FAM89A: variants seen among roughly 807,000 people sequenced by gnomAD.
FAM89A encodes the protein family with sequence similarity 89 member A, also known as protein FAM89A.
In FAM89A, 10 loss-of-function variants were observed where a neutral mutation model predicts 7.1. The ratio of observed to expected loss-of-function variants is 1.40; its 90% confidence interval spans 0.86 to 2.38. FAM89A has a LOEUF of 2.38. Ranked by LOEUF, FAM89A falls within the 30% of genes most tolerant of loss-of-function variation. FAM89A has a pLI of 0.00. For missense variants in FAM89A, 276 were observed against 262.8 expected (o/e 1.05, Z -0.35); for synonymous variants, 157 against 129.3 (o/e 1.21, Z -1.45).
chr1:231,033,794 T>C (rs1680113845), intron 1 of FAM89A, among the ~76,000 whole-genome samples: 1 of 152,176 alleles, frequency 6.6e-6, no homozygotes, highest in South Asian at 2.1e-4. Flanking sequence ...TAAAGTGGTA[T>C]TTTTACTTTT....
At position 231,040,205 on chromosome 1, in the gene FAM89A, C is replaced by T. The variant is rs1386240766; in HGVS notation, c.7G>A (p.Gly3Arg). The T allele has an allele frequency of 1.8e-5, 20 of 1,082,164 alleles. No individual in the cohort carries two copies. Among genetic ancestry groups the T allele is most frequent in the Non-Finnish European group, 2.1e-5 (19 of 894,864 alleles). The allele number at this position is 1,082,164 out of a possible 1,614,324, so 67.0% of individuals were successfully genotyped here. A position where few individuals can be genotyped will look rare whatever the true frequency, so the allele number is the denominator to read the frequency against. Residue 3 changes from glycine (G) to arginine (R), a missense_variant, in exon 1 of 2, where the codon GGG becomes AGG. By Grantham distance (125) the Gly-to-Arg change is moderately radical (BLOSUM62 -2). Transcript: ENST00000366654. Reference sequence around the variant, plus strand: ...GCGGCCCCGGGCGCCGCCCGGGCCCCACTCATCGCGCCGCGGCCCGGCCAC... The same window carrying T: ...GCGGCCCCGGGCGCCGCCCGGGCCCTACTCATCGCGCCGCGGCCCGGCCAC... MS[G>R]ARAAPGAAGN...
chr1:231,037,953 T>C (rs1347845368), intron 1 of FAM89A, among the ~76,000 whole-genome samples: 1 of 152,104 alleles, frequency 6.6e-6, no homozygotes, highest in Non-Finnish European at 1.5e-5. Context: ...GCCTTCAATT[T>C]AAACAGATCA....
intron 1 of FAM89A, among the ~76,000 whole-genome samples, chr1:231,032,484 G>A (rs1680092042): frequency 1.3e-5 from 2 of 149,980 alleles, no homozygotes; most frequent in Non-Finnish European, 3.0e-5. Context: ...AGTCTTGGAG[G>A]TACAACATGA....
At chr1:231,031,904 T>C (rs553246578) in intron 1 of FAM89A, among the ~76,000 whole-genome samples, 16 of 152,194 alleles carry the variant, frequency 1.1e-4, no homozygotes, top group Middle Eastern at 3.4e-3. Flanking sequence ...TGTGGATGCT[T>C]CTGTAAGGTA....
chr1:231,019,626 G>A lies in FAM89A; in HGVS notation c.*237C>T. 1 of 516,048 alleles carries A rather than the reference G, an allele frequency of 1.9e-6. No homozygotes were observed. The highest frequency in any genetic ancestry group is 3.2e-5 in the East Asian group (1 of 30,816). The allele number at this position is 516,048 out of a possible 1,614,324, so 32.0% of individuals were successfully genotyped here. On this transcript the variant is annotated 3_prime_UTR_variant, in exon 2 of 2. Coordinates refer to ENST00000366654, the MANE Select transcript of FAM89A (RefSeq NM_198552.3). ...AGCAGGTGCACCTCAATAAATAGGT[G>A]TGGAGGATACTGCTGAGGACCTCTA...
At chr1:231,038,319 A>G (rs1194842080) in intron 1 of FAM89A, among the ~76,000 whole-genome samples, 1 of 152,258 alleles carries the variant, frequency 6.6e-6, no homozygotes, top group Non-Finnish European at 1.5e-5. Flanking sequence ...GGACCTGGAA[A>G]AATACTTCTG....
At chr1:231,037,285 C>T (rs2103077678) in intron 1 of FAM89A, among the ~76,000 whole-genome samples, 3 of 152,292 alleles carry the variant, frequency 2.0e-5, no homozygotes, top group Admixed American at 2.0e-4. Flanking sequence ...ACTTACATTG[C>T]ACCTAACAGA....
intron 1 of FAM89A, among the ~76,000 whole-genome samples, chr1:231,035,924 TG>T (rs755066886): frequency 6.6e-6 from 1 of 152,230 alleles, no homozygotes; most frequent in Non-Finnish European, 1.5e-5. Flanking sequence ...TCCTTGTCAC[TG>T]TTGGCTGGCC....
rs1558254461 is a variant in FAM89A at position 231,024,519 on chromosome 1, T to TACACACACAC, written c.292-4394_292-4393insGTGTGTGTGT. Among the ~76,000 whole-genome samples, 16 of 41,636 alleles carry TACACACACAC rather than the reference T, an allele frequency of 3.8e-4. 1 individual carries two copies. The highest frequency in any genetic ancestry group is 1.3e-3 in the African/African-American group (16 of 12,386). The allele number at this position is 41,636 out of a possible 152,430, so 27.3% of individuals were successfully genotyped here. A position where few individuals can be genotyped will look rare whatever the true frequency, so the allele number is the denominator to read the frequency against. ...CAGAACTATGTTTTATTACATTGCATGCACACACACACACACACACACACA... is the reference window on the plus strand; with the variant it reads ...CAGAACTATGTTTTATTACATTGCATACACACACACGCACACACACACACACACACACACA... On this transcript the variant is annotated intron_variant, in intron 1 of 1. Transcript: ENST00000366654.
At chr1:231,024,772 G>A (rs1485976888) in intron 1 of FAM89A, among the ~76,000 whole-genome samples, 1 of 151,902 alleles carries the variant, frequency 6.6e-6, no homozygotes, top group African/African-American at 2.4e-5. Flanking sequence ...AAACTCCTGG[G>A]CTCAAGTGAT....
chr1:231,019,702 C>A lies in FAM89A; in HGVS notation c.*161G>T. The A allele has an allele frequency of 1.3e-6, 1 of 755,470 alleles. No individual in the cohort carries two copies. The highest frequency in any genetic ancestry group is 2.1e-6 in the Non-Finnish European group (1 of 476,534). The allele number at this position is 755,470 out of a possible 1,614,324, so 46.8% of individuals were successfully genotyped here. On this transcript the variant is annotated 3_prime_UTR_variant, in exon 2 of 2. Coordinates refer to ENST00000366654, the MANE Select transcript of FAM89A (RefSeq NM_198552.3). The stretch of plus-strand genomic sequence containing the variant: ...ATCAAAGCAGACTGCCACCATGCAT[C>A]CGCGGAGAACTCCCTGCCTACAAAT...
intron 1 of FAM89A, chr1:231,022,268 C>T: frequency 1.3e-6 from 1 of 773,994 alleles, no homozygotes. Context: ...CTCAAAAAGA[C>T]TGTTTTGAAA....
intron 1 of FAM89A, among the ~76,000 whole-genome samples, chr1:231,038,306 G>A (rs1416452616): frequency 6.6e-6 from 1 of 152,170 alleles, no homozygotes; most frequent in Non-Finnish European, 1.5e-5. Flanking sequence ...GTCACACCAG[G>A]AGGGACCTGG....
chr1:231,025,162 T>A (rs1472729276), intron 1 of FAM89A, among the ~76,000 whole-genome samples: 2 of 150,540 alleles, frequency 1.3e-5, no homozygotes, highest in Non-Finnish European at 3.0e-5. Flanking sequence ...GACCTTGTGA[T>A]CCACCCGCCT....
At chr1:231,021,367 G>A (rs1679874282) in intron 1 of FAM89A, among the ~76,000 whole-genome samples, 1 of 152,164 alleles carries the variant, frequency 6.6e-6, no homozygotes, top group Non-Finnish European at 1.5e-5. Context: ...AAAGATGCAT[G>A]GGTACAGCTC....
intron 1 of FAM89A, among the ~76,000 whole-genome samples, chr1:231,034,397 G>C (rs1323777053): frequency 2.0e-5 from 3 of 152,214 alleles, no homozygotes; most frequent in Admixed American, 1.3e-4. Flanking sequence ...TGTCAGAACT[G>C]TATCACATAG....
chr1:231,036,247 T>C (rs1680154350), intron 1 of FAM89A, among the ~76,000 whole-genome samples: 1 of 152,110 alleles, frequency 6.6e-6, no homozygotes, highest in African/African-American at 2.4e-5. Flanking sequence ...TGAAAACTAG[T>C]CTAAACTAAA....
intron 1 of FAM89A, among the ~76,000 whole-genome samples, chr1:231,024,519 T>TACACACACACACACACACAC (rs1558254461): frequency 1.2e-3 from 50 of 41,610 alleles, no homozygotes; most frequent in African/African-American, 3.9e-3. Flanking sequence ...TTACATTGCA[T>TACACACACACACACACACAC]GCACACACAC....
chr1:231,029,048 G>A (rs753345358), intron 1 of FAM89A, among the ~76,000 whole-genome samples: 2 of 152,210 alleles, frequency 1.3e-5, no homozygotes, highest in Admixed American at 6.5e-5. Flanking sequence ...GCATGGGGGA[G>A]AGAGTTCTTC....
Sources: gnomAD v4.1 joint callset for allele counts (sites outside exome capture counted in the v4.1 genomes callset) on GRCh38, gnomAD v4.1.1 for gene constraint, MANE v1.5 for transcripts, NCBI Gene and HGNC (gene_info 2026-07-23, HGNC 2026-07-21) for gene names.